The following CAMLG variants were observed in gnomAD, a reference collection of about 807,000 sequenced individuals.
CAMLG encodes guided entry of tail-anchored proteins factor CAMLG.
A neutral mutation model predicts 28.9 loss-of-function variants in CAMLG; 23 were observed. The ratio of observed to expected loss-of-function variants is 0.80; its 90% CI spans 0.57 to 1.13. The LOEUF (loss-of-function observed/expected upper bound fraction) is 1.13, where lower values mean the gene tolerates loss of function less well. Ranked by LOEUF, CAMLG falls within the 50% of genes most tolerant of loss-of-function variation. The pLI is 0.00. For missense variants in CAMLG, 367 were observed against 371.9 expected (o/e 0.99, Z 0.11); for synonymous variants, 141 against 146.5 (o/e 0.96, Z 0.27).
Position 134,738,601 on chromosome 5 carries a change from C to G in CAMLG, c.-20C>G, listed in dbSNP as rs1031440293. 6.2e-6 allele frequency: 10 copies of G among 1,600,862 alleles called. No individual in the cohort carries two copies. The highest frequency in any genetic ancestry group is 8.5e-6 in the Non-Finnish European group (10 of 1,174,544). On this transcript the variant is annotated 5_prime_UTR_variant, in exon 1 of 4. Transcript: ENST00000297156. ...CAACATCACCGCCACTGCCACCCCT[C>G]CCAGACTGTGGACGGGAGGATGGAG...
chr5:134,742,801 T>C (rs1313266762), intron 2 of CAMLG, among the ~76,000 whole-genome samples: 1 of 152,142 alleles, frequency 6.6e-6, no homozygotes, highest in Non-Finnish European at 1.5e-5. Flanking sequence ...TGCAGTGATG[T>C]GATCTTGGCT....
At chr5:134,747,722 A>C (rs1460776398) in intron 3 of CAMLG, among the ~76,000 whole-genome samples, 1 of 150,312 alleles carries the variant, frequency 6.7e-6, no homozygotes, top group African/African-American at 2.5e-5. Context: ...GCTCACTGCA[A>C]CCTCCACCTC....
chr5:134,738,832 C>G, intron 1 of CAMLG, 40 bp downstream of exon 1: 1 of 1,601,202 alleles, frequency 6.2e-7, no homozygotes, highest in African/African-American at 1.3e-5. Context: ...CGCCCATCAC[C>G]TTGAATCTTC....
At chr5:134,748,187 T>G (rs1321840520) in intron 3 of CAMLG, among the ~76,000 whole-genome samples, 1 of 151,944 alleles carries the variant, frequency 6.6e-6, no homozygotes, top group African/African-American at 2.4e-5. Flanking sequence ...CACCTCCGCT[T>G]CCCAAAGTGC....
chr5:134,740,365 C>T (rs1359608211), intron 1 of CAMLG, among the ~76,000 whole-genome samples: 2 of 152,084 alleles, frequency 1.3e-5, no homozygotes, highest in Non-Finnish European at 2.9e-5. Flanking sequence ...TTTTAAAAGG[C>T]TTTACTGATT....
In CAMLG at chr5:134,748,309, G is replaced by A. The variant is rs1464193054; in HGVS notation, c.700-2450G>A. ...CACCTGTAATCCCAGCACTTTGGGAGGCCGAGATGGGCGGATCACCTGAAG... is the reference window on the plus strand; with the variant it reads ...CACCTGTAATCCCAGCACTTTGGGAAGCCGAGATGGGCGGATCACCTGAAG... On this transcript the variant is annotated intron_variant, in intron 3 of 3. Transcript: ENST00000297156. Among the ~76,000 whole-genome samples, 4 of 152,186 alleles carry A rather than the reference G, an allele frequency of 2.6e-5. No homozygotes were observed. In the East Asian group the frequency reaches 7.7e-4, roughly 29 times the overall value.
intron 3 of CAMLG, 82 bp from the exon 4 acceptor site, chr5:134,750,677 C>T: frequency 1.1e-6 from 1 of 883,828 alleles, no homozygotes; most frequent in South Asian, 1.7e-5. Context: ...CGGTTAAAAA[C>T]AGCAGTACTG....
At chr5:134,745,431 T>TG (rs1362536025) in intron 3 of CAMLG, among the ~76,000 whole-genome samples, 9 of 104,544 alleles carry the variant, frequency 8.6e-5, no homozygotes, top group East Asian at 6.0e-4. Context: ...AGAGCGAGAC[T>TG]CCTCAAAAAA....
At position 134,738,762 on chromosome 5, in the gene CAMLG, A is replaced by G. The variant is rs749540652; in HGVS notation, c.142A>G (p.Met48Val). ...CTCGGAACAGCGCATCAACCGGATC[A>G]TGGGCTTTCACAGGCCCGGGAGCGG... Reference protein sequence around the residue: ...MNSEQRINRIMGFHRPGSGAE... With the variant: ...MNSEQRINRIVGFHRPGSGAE... Residue 48 changes from methionine to valine, a missense_variant, in exon 1 of 4, where the codon ATG becomes GTG. Physicochemically the swap from Met to Val is conservative, Grantham distance 21 (BLOSUM62 1). Transcript: ENST00000297156. 2 of 1,613,506 alleles carry G rather than the reference A, an allele frequency of 1.2e-6. No individual in the cohort carries two copies. The highest frequency in any genetic ancestry group is 1.7e-6 in the Non-Finnish European group (2 of 1,179,474).
At position 134,738,597 on chromosome 5, in the gene CAMLG, C is replaced by A; in HGVS notation, c.-24C>A. ...CGGCCAACATCACCGCCACTGCCAC[C>A]CCTCCCAGACTGTGGACGGGAGGAT... On this transcript the variant is annotated 5_prime_UTR_variant, in exon 1 of 4. Transcript: ENST00000297156. 1 of 1,565,300 alleles carries A rather than the reference C, an allele frequency of 6.4e-7. No individual in the cohort carries two copies.
Position 134,741,444 on chromosome 5 carries a change from T to G in CAMLG, c.554T>G (p.Phe185Cys). The G allele has an allele frequency of 6.2e-7, 1 of 1,614,098 alleles. No individual in the cohort carries two copies. Among genetic ancestry groups the G allele is most frequent in the Non-Finnish European group, 8.5e-7 (1 of 1,179,936 alleles). ...GAGGATGGAAATACAACAGAAGAAT[T>G]TGACTCTTTTCGAATATTTAGATTG... Reference protein sequence around the residue: ...SQEDGNTTEEFDSFRIFRLVG... With the variant: ...SQEDGNTTEECDSFRIFRLVG... Residue 185 changes from phenylalanine to cysteine, a missense_variant, in exon 2 of 4, where the codon TTT (phenylalanine) becomes TGT (cysteine). Phe to Cys is a radical substitution (Grantham distance 205). Transcript: ENST00000297156.
At chr5:134,744,632 C>T (rs1170842706) in intron 3 of CAMLG, among the ~76,000 whole-genome samples, 2 of 151,630 alleles carry the variant, frequency 1.3e-5, no homozygotes, top group African/African-American at 4.9e-5. Context: ...TGAGGTCCTT[C>T]ATGAAAAAGT....
At chr5:134,743,739 G>A (rs918315759) in intron 2 of CAMLG, among the ~76,000 whole-genome samples, 6 of 151,750 alleles carry the variant, frequency 4.0e-5, no homozygotes, top group African/African-American at 1.2e-4. Flanking sequence ...GGTGGCGGGC[G>A]CCTGTAATCC....
chr5:134,740,045 T>TA lies in CAMLG; in HGVS notation c.173-1009dup, dbSNP rs111345876. Among the ~76,000 whole-genome samples the TA allele has an allele frequency of 5.4e-3, 820 of 151,460 alleles. 3 individuals are homozygous for TA. Among genetic ancestry groups the TA allele is most frequent in the African/African-American group, 0.013 (541 of 41,274 alleles). On this transcript the variant is annotated intron_variant, in intron 1 of 3. Coordinates refer to ENST00000297156, the MANE Select transcript of CAMLG (RefSeq NM_001745.4). ...TGTACACCACCATGCCTGGCTAATT[T>TA]AAAAAAAAATTGTGTGTGTGGAGAT...
At chr5:134,740,431 T>G (rs1443420912) in intron 1 of CAMLG, among the ~76,000 whole-genome samples, 1 of 152,180 alleles carries the variant, frequency 6.6e-6, no homozygotes, top group East Asian at 1.9e-4. Flanking sequence ...ATCTGGGATA[T>G]ATTATCCATA....
At chr5:134,744,908 AGGCTT>A (rs1451299212) in intron 3 of CAMLG, among the ~76,000 whole-genome samples, 1 of 152,154 alleles carries the variant, frequency 6.6e-6, no homozygotes, top group Non-Finnish European at 1.5e-5. Context: ...CAGTTTTATG[AGGCTT>A]GGCTTGCCTG....
chr5:134,743,799 G>A (rs1333448825), intron 2 of CAMLG, among the ~76,000 whole-genome samples, 188 bp from the exon 3 acceptor site: 1 of 152,096 alleles, frequency 6.6e-6, no homozygotes, highest in African/African-American at 2.4e-5. Context: ...CTGGGAGGTG[G>A]ATGTTGCCAT....
In CAMLG at chr5:134,744,012, T is replaced by C; in HGVS notation, c.659T>C (p.Leu220Ser). ...YLSIFAPFLT[L>S]QLAYMGLYKY... ...TCCATATTTGCTCCATTTCTTACTT[T>C]ACAACTTGCGTACATGGGATTATAC... The change falls in exon 3 of 4, where the codon TTA becomes TCA. Residue 220 changes from leucine to serine, a missense_variant. Leu to Ser is a moderately radical substitution (Grantham distance 145). Transcript: ENST00000297156. 1.4e-6 allele frequency: 2 copies of C among 1,447,870 alleles called. No individual in the cohort carries two copies. Among genetic ancestry groups the C allele is most frequent in the Non-Finnish European group, 1.9e-6 (2 of 1,031,328 alleles). 89.7% of individuals were successfully genotyped at this position (1,447,870 alleles called of 1,614,324 possible). A position where few individuals can be genotyped will look rare whatever the true frequency, so the allele number is the denominator to read the frequency against.
chr5:134,750,397 G>C (rs1348321132), intron 3 of CAMLG, among the ~76,000 whole-genome samples: 3 of 152,078 alleles, frequency 2.0e-5, no homozygotes. Context: ...AATTAGCCGG[G>C]CATGGTGGCA....
Sources: gnomAD v4.1 joint callset for allele counts (sites outside exome capture counted in the v4.1 genomes callset) on GRCh38, gnomAD v4.1.1 for gene constraint, MANE v1.5 for transcripts, NCBI Gene and HGNC (gene_info 2026-07-23, HGNC 2026-07-21) for gene names.